MAGI3: variants seen among roughly 807,000 people sequenced by gnomAD.
The protein encoded by MAGI3 is membrane associated guanylate kinase, WW and PDZ domain containing 3, also known as membrane-associated guanylate kinase, WW and PDZ domain-containing protein 3.
In MAGI3, 43 loss-of-function variants were observed where a neutral mutation model predicts 121.8. The ratio of observed to expected loss-of-function variants is 0.35; its 90% confidence interval spans 0.28 to 0.46. The LOEUF (loss-of-function observed/expected upper bound fraction) is 0.46. Ranked by LOEUF, MAGI3 falls within the 20% of genes least tolerant of loss-of-function variation. The pLI is 1.00. For synonymous variants in MAGI3, 553 were observed against 639.3 expected (o/e 0.86, Z 2.04); for missense variants, 1,547 against 1,797.3 (o/e 0.86, Z 2.52).
At chr1:113,469,386 T>G (rs935394865) in intron 1 of MAGI3, among the ~76,000 whole-genome samples, 16 of 152,308 alleles carry the variant, frequency 1.1e-4, no homozygotes, top group African/African-American at 3.1e-4. Context: ...GAATGAATCC[T>G]GGGCAGTTTT....
In MAGI3 at chr1:113,449,130, A is replaced by G. The variant is rs975672368; in HGVS notation, c.316+57781A>G. 2.0e-5 allele frequency among the ~76,000 whole-genome samples: 3 copies of G among 152,248 alleles called. No individual in the cohort carries two copies. In the East Asian group the frequency reaches 5.8e-4, roughly 29 times the overall value. Reference sequence around the variant, plus strand: ...AAACTTCATTTCAAAAAAAAAAAAAAAAGAATATTTTGCAATATCAGGGGG... The same window carrying G: ...AAACTTCATTTCAAAAAAAAAAAAAGAAGAATATTTTGCAATATCAGGGGG... On this transcript the variant is annotated intron_variant, in intron 1 of 20. Coordinates refer to ENST00000307546, the MANE Select transcript of MAGI3 (RefSeq NM_001142782.2).
rs184133251 is a variant in MAGI3 at position 113,560,912 on chromosome 1, T to A, written c.433+11281T>A. ...AGAGAGAAGATTCAAATAAACACAA[T>A]CAGAAATGATAAGGGGGAATACCAC... is the stretch of plus-strand genomic sequence containing the variant. On this transcript the variant is annotated intron_variant, in intron 2 of 20. Transcript: ENST00000307546. Among the ~76,000 whole-genome samples, 397 of 151,368 alleles carry A rather than the reference T, an allele frequency of 2.6e-3. 1 individual carries two copies. The highest frequency in any genetic ancestry group is 8.3e-3 in the African/African-American group (344 of 41,218).
intron 1 of MAGI3, among the ~76,000 whole-genome samples, chr1:113,400,281 G>T (rs1570617438): frequency 6.6e-6 from 1 of 152,192 alleles, no homozygotes; most frequent in East Asian, 1.9e-4. Context: ...AATGTCTTCA[G>T]CTTTGGTGCC....
At chr1:113,629,885 G>A (rs1012556944) in intron 9 of MAGI3, among the ~76,000 whole-genome samples, 12 of 150,766 alleles carry the variant, frequency 8.0e-5, no homozygotes, top group African/African-American at 2.2e-4. Context: ...CTGGGACTGC[G>A]CTGGGTGAGA....
At chr1:113,657,392 C>T (rs1199419843) in intron 15 of MAGI3, among the ~76,000 whole-genome samples, 1 of 152,188 alleles carries the variant, frequency 6.6e-6, no homozygotes, top group Admixed American at 6.5e-5. Flanking sequence ...CTTTTACCTT[C>T]CCTCACCCAG....
At chr1:113,571,559 G>A (rs188139685) in intron 2 of MAGI3, among the ~76,000 whole-genome samples, 27 of 151,800 alleles carry the variant, frequency 1.8e-4, no homozygotes, top group South Asian at 6.2e-4. Context: ...GTGTCCTCTC[G>A]TATTTCCTTG....
chr1:113,579,747 C>A (rs186164985), intron 2 of MAGI3, among the ~76,000 whole-genome samples: 265 of 152,156 alleles, frequency 1.7e-3, no homozygotes, highest in Middle Eastern at 3.4e-3. Context: ...GATTTGGTGA[C>A]TGGATGTGGA....
In MAGI3 at chr1:113,682,973, T is replaced by A. The variant is rs746634291; in HGVS notation, c.3405T>A (p.His1135Gln). The A allele has an allele frequency of 5.0e-6, 8 of 1,613,714 alleles. No homozygotes were observed. In the South Asian group the frequency reaches 8.8e-5, roughly 18 times the overall value. The change falls in exon 21 of 21, where the codon CAT becomes CAA. Residue 1135 changes from histidine to glutamine, a missense_variant. Physicochemically the swap from His to Gln is conservative, Grantham distance 24 (BLOSUM62 0). Transcript: ENST00000307546. ...DEQSPLPPSSHFASIFEESHV... is the reference protein window; with the variant it reads ...DEQSPLPPSSQFASIFEESHV... ...AGTCACCATTACCCCCATCTTCACATTTTGCTTCCATATTTGAAGAGTCTC... is the reference window on the plus strand; with the variant it reads ...AGTCACCATTACCCCCATCTTCACAATTTGCTTCCATATTTGAAGAGTCTC...
intron 16 of MAGI3, among the ~76,000 whole-genome samples, chr1:113,666,449 T>C (rs1654048364): frequency 6.6e-6 from 1 of 152,208 alleles, no homozygotes; most frequent in African/African-American, 2.4e-5. Context: ...GCCACTTCTT[T>C]GCTCATCCGT....
intron 1 of MAGI3, among the ~76,000 whole-genome samples, chr1:113,475,921 T>C (rs1329743634): frequency 6.6e-6 from 1 of 152,328 alleles, no homozygotes; most frequent in East Asian, 1.9e-4. Flanking sequence ...TATTGGTCTA[T>C]TCAGAGATTC....
intron 16 of MAGI3, among the ~76,000 whole-genome samples, chr1:113,663,709 G>A (rs909260339): frequency 1.3e-5 from 2 of 151,912 alleles, no homozygotes; most frequent in Non-Finnish European, 2.9e-5. Context: ...TTTCTTGGTC[G>A]TATACCTAGG....
At chr1:113,455,609 G>A (rs1654713486) in intron 1 of MAGI3, among the ~76,000 whole-genome samples, 1 of 151,956 alleles carries the variant, frequency 6.6e-6, no homozygotes, top group African/African-American at 2.4e-5. Flanking sequence ...TGCACGTCCT[G>A]TTTGTTTTGT....
At chr1:113,585,116 G>A (rs966335105) in intron 3 of MAGI3, among the ~76,000 whole-genome samples, 5 of 151,602 alleles carry the variant, frequency 3.3e-5, no homozygotes, top group Non-Finnish European at 7.4e-5. Flanking sequence ...TCACAGGCAT[G>A]TGCTACCATA....
chr1:113,417,061 T>C (rs1311121642), intron 1 of MAGI3, among the ~76,000 whole-genome samples: 2 of 152,108 alleles, frequency 1.3e-5, no homozygotes, highest in East Asian at 3.9e-4. Flanking sequence ...ATTTATTTTC[T>C]TTTTTTCACT....
At chr1:113,513,289 A>T (rs1055442787) in intron 1 of MAGI3, among the ~76,000 whole-genome samples, 1 of 152,174 alleles carries the variant, frequency 6.6e-6, no homozygotes, top group Non-Finnish European at 1.5e-5. Flanking sequence ...TAAAGTTCAT[A>T]TGGAATCAAA....
At chr1:113,567,437 A>G (rs1319691569) in intron 2 of MAGI3, among the ~76,000 whole-genome samples, 1 of 152,110 alleles carries the variant, frequency 6.6e-6, no homozygotes, top group Non-Finnish European at 1.5e-5. Context: ...CATTACCCTG[A>G]TAACAAAACC....
At chr1:113,623,144 T>TAA in intron 9 of MAGI3, 150 bp downstream of exon 9, 1 of 559,032 alleles carries the variant, frequency 1.8e-6, no homozygotes. Flanking sequence ...TACTTTAATT[T>TAA]AAAAAAAAGT....
At chr1:113,535,774 A>G (rs988982912) in intron 1 of MAGI3, among the ~76,000 whole-genome samples, 1 of 152,062 alleles carries the variant, frequency 6.6e-6, no homozygotes, top group African/African-American at 2.4e-5. Context: ...AAGTCTTCCA[A>G]TTTCCAGCCC....
At chr1:113,538,609 A>G (rs1015780749) in intron 1 of MAGI3, among the ~76,000 whole-genome samples, 1 of 152,158 alleles carries the variant, frequency 6.6e-6, no homozygotes, top group African/African-American at 2.4e-5. Context: ...CCCAATTTTG[A>G]TTATTTACTT....
Sources: gnomAD v4.1 joint callset for allele counts (sites outside exome capture counted in the v4.1 genomes callset) on GRCh38, gnomAD v4.1.1 for gene constraint, MANE v1.5 for transcripts, NCBI Gene and HGNC (gene_info 2026-07-23, HGNC 2026-07-21) for gene names.